TMEM126B: variants seen among roughly 807,000 people sequenced by gnomAD.
The protein encoded by TMEM126B is complex I assembly factor TMEM126B, mitochondrial.
TMEM126B carries 19 observed loss-of-function variants against 16.5 expected under a neutral mutation model. The observed-to-expected ratio is 1.15, with a 90% CI of 0.80 to 1.69. The LOEUF is 1.69. TMEM126B is among the 40% of genes most tolerant of loss of function. The pLI is 0.00. For synonymous variants in TMEM126B, 104 were observed against 93.2 expected (o/e 1.12, Z -0.67); for missense variants, 293 against 278.7 (o/e 1.05, Z -0.37).
rs2082400682 is a variant in TMEM126B, at chr11:85,636,144, T to C, written c.608T>C (p.Phe203Ser). 6.2e-7 allele frequency: 1 copy of C among 1,612,686 alleles called. No homozygotes were observed. The highest frequency in any genetic ancestry group is 1.3e-5 in the African/African-American group (1 of 75,006). ...AAATTAATGGCGATTCCTCTAGTCT[T>C]TCAGATTATGTTTGGAATATTAAAT... ...QMKLMAIPLV[F>S]QIMFGILNGL... Residue 203 changes from phenylalanine (F) to serine (S), a missense_variant, in exon 5 of 5, where the codon TTT (phenylalanine) becomes TCT (serine). Transcript: ENST00000358867.
At chr11:85,632,092 A>G (rs1591451373) in intron 2 of TMEM126B, among the ~76,000 whole-genome samples, 1 of 152,216 alleles carries the variant, frequency 6.6e-6, no homozygotes, top group East Asian at 1.9e-4. Context: ...TATTTTAATT[A>G]AAAGTAATTA....
chr11:85,633,958 A>G, intron 2 of TMEM126B, 128 bp from the exon 3 acceptor site: 1 of 658,436 alleles, frequency 1.5e-6, no homozygotes. Context: ...CACTTAGAAA[A>G]TACTTTTCAC....
At chr11:85,629,036 C>A in intron 1 of TMEM126B, 4 of 480,536 alleles carry the variant, frequency 8.3e-6, no homozygotes, top group South Asian at 4.7e-5. Context: ...TTCCGGGAAG[C>A]CTTCCCACGC....
chr11:85,633,954 G>A, intron 2 of TMEM126B, 132 bp from the exon 3 acceptor site: 2 of 645,064 alleles, frequency 3.1e-6, no homozygotes, highest in Non-Finnish European at 5.3e-6. Context: ...TAAGCACTTA[G>A]AAAATACTTT....
In TMEM126B at chr11:85,633,112, T is replaced by A. The variant is rs947578895; in HGVS notation, c.204-974T>A. 5.9e-5 allele frequency among the ~76,000 whole-genome samples: 9 copies of A among 152,334 alleles called. 1 individual carries two copies. The highest frequency in any genetic ancestry group is 5.9e-4 in the Admixed American group (9 of 15,300). ...ATGATGATTTCCAACTTCATCCATG[T>A]CCCTACAAAGGACATGAACTCATCA... On this transcript the variant is annotated intron_variant, in intron 2 of 4. Transcript: ENST00000358867.
chr11:85,636,203 C>A lies in TMEM126B; in HGVS notation c.667C>A (p.Leu223Ile). 6.5e-7 allele frequency: 1 copy of A among 1,542,494 alleles called. No homozygotes were observed. The highest frequency in any genetic ancestry group is 1.3e-5 in the South Asian group (1 of 79,664). Residue 223 changes from leucine (L) to isoleucine (I), a missense_variant, in exon 5 of 5, where the codon CTT (leucine) becomes ATT (isoleucine). Physicochemically the swap from Leu to Ile is conservative, Grantham distance 5. Coordinates refer to ENST00000358867, the MANE Select transcript of TMEM126B (RefSeq NM_018480.7). ...CCATTATGCAGTATTTGAAGAGACA[C>A]TTGAGAAAACTATACATGAAGAGTA... ...LYHYAVFEETLEKTIHEE is the reference protein window; with the variant it reads ...LYHYAVFEETIEKTIHEE
Position 85,628,604 on chromosome 11 carries a change from C to A in TMEM126B, c.-4C>A, listed in dbSNP as rs1393656167. ...CCCACCGGCAAGTCACATGAGCCAC[C>A]AAAATGGTGGTGTTCGGGTATGAGG... On this transcript the variant is annotated 5_prime_UTR_variant, in exon 1 of 5. Coordinates refer to ENST00000358867, the MANE Select transcript of TMEM126B (RefSeq NM_018480.7). 13 of 1,536,012 alleles carry A rather than the reference C, an allele frequency of 8.5e-6. No individual in the cohort carries two copies. Among genetic ancestry groups the A allele is most frequent in the Non-Finnish European group, 1.0e-5 (12 of 1,146,844 alleles).
chr11:85,633,035 G>A (rs2082332497), intron 2 of TMEM126B, among the ~76,000 whole-genome samples: 1 of 151,704 alleles, frequency 6.6e-6, no homozygotes, highest in Non-Finnish European at 1.5e-5. Context: ...TCCCACCTAT[G>A]AGTGAGAATA....
intron 1 of TMEM126B, chr11:85,631,248 A>T: frequency 7.8e-7 from 1 of 1,287,810 alleles, no homozygotes; most frequent in East Asian, 5.6e-5. Flanking sequence ...CTGAAGAGCT[A>T]GGAGGACAAC....
At chr11:85,630,580 A>G (rs543583876) in intron 1 of TMEM126B, among the ~76,000 whole-genome samples, 1 of 152,308 alleles carries the variant, frequency 6.6e-6, no homozygotes, top group African/African-American at 2.4e-5. Flanking sequence ...CCAGAGCAAA[A>G]CATTCAGAAA....
intron 1 of TMEM126B, 123 bp from the exon 2 acceptor site, chr11:85,631,564 G>A (rs953851225): frequency 2.0e-5 from 22 of 1,116,750 alleles, no homozygotes; most frequent in African/African-American, 1.8e-4. Context: ...GAAAGCAGAC[G>A]ACACAGTACC....
In TMEM126B at chr11:85,628,977, C is replaced by G. The variant is rs538047345; in HGVS notation, c.81+289C>G. On this transcript the variant is annotated intron_variant, in intron 1 of 4. Transcript: ENST00000358867. ...ATTTCCCTGCTTCTATCCGTCCCAA[C>G]TCCCCTGCCAAACTGTTCTCTTTCG... 3.3e-5 allele frequency among the ~76,000 whole-genome samples: 5 copies of G among 152,340 alleles called. No homozygotes were observed. In the East Asian group the frequency reaches 7.7e-4, roughly 23 times the overall value.
At chr11:85,630,159 G>A (rs2082259556) in intron 1 of TMEM126B, among the ~76,000 whole-genome samples, 1 of 152,224 alleles carries the variant, frequency 6.6e-6, no homozygotes, top group African/African-American at 2.4e-5. Flanking sequence ...TTAAAATGCA[G>A]ATTCTAGGCC....
rs2082384032 is a variant in TMEM126B, at chr11:85,635,657, T to C, written c.398-10T>C. ...TTTAAAGGAAAACCAAATTTACTTT[T>C]GTTTTCCAGATAATATAAGCAAGGA... On this transcript the variant is annotated splice_polypyrimidine_tract_variant and intron_variant, in intron 3 of 4. Coordinates refer to ENST00000358867, the MANE Select transcript of TMEM126B (RefSeq NM_018480.7). 1.3e-6 allele frequency: 2 copies of C among 1,591,956 alleles called. No individual in the cohort carries two copies. The highest frequency in any genetic ancestry group is 1.7e-6 in the Non-Finnish European group (2 of 1,168,470).
At chr11:85,635,971 C>T in intron 4 of TMEM126B, 75 bp from the exon 5 acceptor site, 1 of 1,435,844 alleles carries the variant, frequency 7.0e-7, no homozygotes, top group Non-Finnish European at 9.3e-7. Context: ...AGGCAATTAT[C>T]AATTTAGGAG....
intron 2 of TMEM126B, 145 bp from the exon 3 acceptor site, chr11:85,633,941 T>G: frequency 1.6e-6 from 1 of 612,860 alleles, no homozygotes; most frequent in South Asian, 2.1e-5. Flanking sequence ...TACTGTCCTA[T>G]CTTAAGCACT....
rs538635511 is a variant in TMEM126B at position 85,636,269 on chromosome 11, T to G, written c.*40T>G. On this transcript the variant is annotated 3_prime_UTR_variant, in exon 5 of 5. Coordinates refer to ENST00000358867, the MANE Select transcript of TMEM126B (RefSeq NM_018480.7). ...GGTTGCTAACTTAGCAAAATGAAGT[T>G]TCTATAAAGAGGACTCAGGCATTGC... 7.3e-7 allele frequency: 1 copy of G among 1,375,440 alleles called. No individual in the cohort carries two copies. The highest frequency in any genetic ancestry group is 1.9e-5 in the South Asian group (1 of 51,934). The allele number at this position is 1,375,440 out of a possible 1,614,324, so 85.2% of individuals were successfully genotyped here.
intron 1 of TMEM126B, chr11:85,629,366 T>C: frequency 1.5e-6 from 1 of 688,986 alleles, no homozygotes; most frequent in East Asian, 6.5e-5. Context: ...CCTACATAAA[T>C]GCACTCTTAC....
In TMEM126B at chr11:85,636,373, A is replaced by G. The variant is rs1591457801; in HGVS notation, c.*144A>G. On this transcript the variant is annotated 3_prime_UTR_variant, in exon 5 of 5. Coordinates refer to ENST00000358867, the MANE Select transcript of TMEM126B (RefSeq NM_018480.7). ...GGTATATAGCAAATACTCAAAAAGT[A>G]TTCAATAATTCAATCAATAAATATA... 9 of 471,500 alleles carry G rather than the reference A, an allele frequency of 1.9e-5. No homozygotes were observed. In the East Asian group the frequency reaches 3.1e-4, roughly 16 times the overall value. 29.2% of individuals were successfully genotyped at this position (471,500 alleles called of 1,614,324 possible). A position where few individuals can be genotyped will look rare whatever the true frequency, so the allele number is the denominator to read the frequency against.
Sources: allele counts gnomAD v4.1 joint callset (sites outside exome capture counted in the v4.1 genomes callset), GRCh38; gene constraint gnomAD v4.1.1; transcripts MANE v1.5; gene names NCBI Gene and HGNC (gene_info 2026-07-23, HGNC 2026-07-21).